The following CAMK1D variants were observed in gnomAD, a reference collection of about 807,000 sequenced individuals.
CAMK1D encodes the protein calcium/calmodulin dependent protein kinase ID, also known as calcium/calmodulin-dependent protein kinase type 1D.
Under a neutral mutation model 47.7 loss-of-function variants are expected in CAMK1D, and 9 were observed. That is an observed-to-expected ratio of 0.19 (90% CI 0.11 to 0.33). The LOEUF is 0.33. Ranked by LOEUF, CAMK1D falls within the 10% of genes least tolerant of loss-of-function variation. The pLI, the probability that CAMK1D is intolerant of heterozygous loss-of-function variation, is 1.00. For synonymous variants in CAMK1D, 184 were observed against 184.9 expected, an observed-to-expected ratio of 0.99 and a Z score of 0.04; for missense variants, 291 against 488.7, an observed-to-expected ratio of 0.60 and a Z score of 3.81.
At chr10:12,354,194 G>A (rs966376342) in intron 1 of CAMK1D, among the ~76,000 whole-genome samples, 1 of 152,092 alleles carries the variant, frequency 6.6e-6, no homozygotes, top group Non-Finnish European at 1.5e-5. Flanking sequence ...CATGTTTTTC[G>A]TGTAGACTGA....
chr10:12,475,384 T>TCCTTTGTG, intron 1 of CAMK1D, among the ~76,000 whole-genome samples: 1 of 152,322 alleles, frequency 6.6e-6, no homozygotes, highest in Admixed American at 6.5e-5. Flanking sequence ...ACTGTATGTG[T>TCCTTTGTG]CCTTTGTGTC....
At chr10:12,507,458 C>T (rs541053251) in intron 1 of CAMK1D, among the ~76,000 whole-genome samples, 1 of 152,188 alleles carries the variant, frequency 6.6e-6, no homozygotes, top group East Asian at 1.9e-4. Flanking sequence ...GGGAATTTCA[C>T]CTCCTGGTTT....
intron 1 of CAMK1D, among the ~76,000 whole-genome samples, chr10:12,362,912 G>A (rs1236266742): frequency 2.1e-4 from 32 of 150,894 alleles, no homozygotes; most frequent in African/African-American, 7.8e-4. Context: ...CCACATTGCT[G>A]GGATTACAGG....
intron 8 of CAMK1D, among the ~76,000 whole-genome samples, chr10:12,821,427 G>A (rs956542510): frequency 7.2e-5 from 11 of 152,222 alleles, no homozygotes; most frequent in African/African-American, 7.2e-5. Flanking sequence ...CCGGTTGGCT[G>A]TAGGAATTGG....
At chr10:12,462,366 A>G (rs1833459052) in intron 1 of CAMK1D, among the ~76,000 whole-genome samples, 1 of 151,844 alleles carries the variant, frequency 6.6e-6, no homozygotes, top group Non-Finnish European at 1.5e-5. Flanking sequence ...GGGTTTCACC[A>G]TGTTAGCCAG....
At chr10:12,739,392 CAGCCTCCGGAGTAGCTGGGATTACA>C (rs1296841002) in intron 3 of CAMK1D, among the ~76,000 whole-genome samples, 2 of 151,756 alleles carry the variant, frequency 1.3e-5, no homozygotes, top group African/African-American at 4.8e-5. Flanking sequence ...TTTCCTGCCT[CAGCCTCCGGAGTAGCTGGGATTACA>C]GGTGCATGCC....
chr10:12,791,323 G>A, intron 6 of CAMK1D, 90 bp downstream of exon 6: 2 of 1,200,412 alleles, frequency 1.7e-6, no homozygotes, highest in South Asian at 1.3e-5. Flanking sequence ...CCATTTTTAA[G>A]GGTACAGTTT....
At chr10:12,687,335 G>A (rs45574831) in intron 3 of CAMK1D, among the ~76,000 whole-genome samples, 45,019 of 151,340 alleles carry the variant, frequency 0.3, 7,371 homozygotes, top group South Asian at 0.5. Flanking sequence ...TGCCTCCTGC[G>A]TTGTGCCCCA....
intron 3 of CAMK1D, among the ~76,000 whole-genome samples, chr10:12,746,388 A>G (rs978466983): frequency 6.6e-6 from 1 of 151,810 alleles, no homozygotes; most frequent in South Asian, 2.1e-4. Context: ...AAGTTAGTGA[A>G]TCTCAAATCT....
intron 1 of CAMK1D, among the ~76,000 whole-genome samples, chr10:12,461,417 G>T (rs1422401261): frequency 6.6e-6 from 1 of 152,148 alleles, no homozygotes; most frequent in Non-Finnish European, 1.5e-5. Flanking sequence ...TTGGCCGGGC[G>T]CAGTGGCTCA....
At position 12,829,090 on chromosome 10, in the gene CAMK1D, G is replaced by A; in HGVS notation, c.*203G>A. 1.9e-6 allele frequency: 1 copy of A among 526,618 alleles called. No homozygotes were observed. The highest frequency in any genetic ancestry group is 3.4e-6 in the Non-Finnish European group (1 of 298,442). The allele number at this position is 526,618 out of a possible 1,614,324, so 32.6% of individuals were successfully genotyped here. On this transcript the variant is annotated 3_prime_UTR_variant, in exon 11 of 11. Coordinates refer to ENST00000619168, the MANE Select transcript of CAMK1D (RefSeq NM_153498.4). ...CTCACAAACTGTACTGACTCGAGGGGCGCTGATTTCATAGGATCTGGTGCT... is the reference window on the plus strand; with the variant it reads ...CTCACAAACTGTACTGACTCGAGGGACGCTGATTTCATAGGATCTGGTGCT...
chr10:12,625,744 C>G (rs1417822146), intron 2 of CAMK1D, among the ~76,000 whole-genome samples: 3 of 151,792 alleles, frequency 2.0e-5, no homozygotes, highest in Non-Finnish European at 1.5e-5. Context: ...TGTATTCAGT[C>G]AGTCAGATTA....
At chr10:12,606,582 T>C (rs1838467774) in intron 2 of CAMK1D, among the ~76,000 whole-genome samples, 1 of 152,180 alleles carries the variant, frequency 6.6e-6, no homozygotes, top group Non-Finnish European at 1.5e-5. Context: ...CTGTGGAGTC[T>C]CCCTTTGCCC....
At chr10:12,582,700 C>T (rs1837697926) in intron 2 of CAMK1D, among the ~76,000 whole-genome samples, 1 of 152,202 alleles carries the variant, frequency 6.6e-6, no homozygotes, top group Non-Finnish European at 1.5e-5. Flanking sequence ...AGCAGAGCTA[C>T]TGATTTGTGT....
chr10:12,487,109 C>A (rs1048304105), intron 1 of CAMK1D, among the ~76,000 whole-genome samples: 1 of 152,108 alleles, frequency 6.6e-6, no homozygotes, highest in African/African-American at 2.4e-5. Context: ...CAGATTATTT[C>A]ATCACCCAAC....
intron 2 of CAMK1D, among the ~76,000 whole-genome samples, chr10:12,569,956 C>G (rs1564418642): frequency 6.6e-6 from 1 of 151,720 alleles, no homozygotes; most frequent in Non-Finnish European, 1.5e-5. Context: ...AATCCCAGCA[C>G]TTTGGGAGGC....
At chr10:12,406,350 A>T (rs1208596510) in intron 1 of CAMK1D, among the ~76,000 whole-genome samples, 1 of 152,018 alleles carries the variant, frequency 6.6e-6, no homozygotes, top group African/African-American at 2.4e-5. Flanking sequence ...CAGTGTAAAA[A>T]CCCATAAAAC....
At chr10:12,748,762 A>G (rs1437380848) in intron 3 of CAMK1D, among the ~76,000 whole-genome samples, 1 of 152,212 alleles carries the variant, frequency 6.6e-6, no homozygotes, top group Non-Finnish European at 1.5e-5. Flanking sequence ...AAAATTAGCC[A>G]GTTGTGGTGG....
chr10:12,573,218 TG>T (rs1237532324), intron 2 of CAMK1D, among the ~76,000 whole-genome samples: 1 of 152,262 alleles, frequency 6.6e-6, no homozygotes, highest in Non-Finnish European at 1.5e-5. Flanking sequence ...GCCACAGGCC[TG>T]CAGCCCTGGG....
Sources: allele counts gnomAD v4.1 joint callset (sites outside exome capture counted in the v4.1 genomes callset), GRCh38; gene constraint gnomAD v4.1.1; transcripts MANE v1.5; gene names NCBI Gene and HGNC (gene_info 2026-07-23, HGNC 2026-07-21).